The following VPS13B variants were observed in gnomAD, a reference collection of about 807,000 sequenced individuals.
The protein encoded by VPS13B is intermembrane lipid transfer protein VPS13B.
In VPS13B, 285 loss-of-function variants were observed where a neutral mutation model predicts 426.4. The ratio of observed to expected loss-of-function variants is 0.67; its 90% CI spans 0.61 to 0.74. VPS13B has a LOEUF of 0.74. Ranked by LOEUF, VPS13B falls within the 30% of genes least tolerant of loss-of-function variation. The pLI is 0.00. For synonymous variants in VPS13B, 1,676 were observed against 1,676.4 expected (o/e 1.00, Z 0.01); for missense variants, 4,537 against 4,782.6 (o/e 0.95, Z 1.51).
intron 12 of VPS13B, among the ~76,000 whole-genome samples, chr8:99,141,243 T>C (rs937799483): frequency 4.6e-5 from 7 of 152,104 alleles, no homozygotes; most frequent in Non-Finnish European, 1.0e-4. Context: ...TAAAAGCCAG[T>C]TGTGTTTTTA....
At chr8:99,719,426 A>T (rs903943570) in intron 37 of VPS13B, among the ~76,000 whole-genome samples, 6 of 152,188 alleles carry the variant, frequency 3.9e-5, no homozygotes, top group African/African-American at 1.4e-4. Context: ...ACTTAGTGTT[A>T]CATCTTTTAC....
At chr8:99,592,833 A>G (rs1460858000) in intron 33 of VPS13B, among the ~76,000 whole-genome samples, 6 of 152,104 alleles carry the variant, frequency 3.9e-5, no homozygotes, top group Non-Finnish European at 8.8e-5. Context: ...CTGTTTAATA[A>G]ATGGTGCTGG....
chr8:99,618,078 G>T (rs1828179915), intron 33 of VPS13B, among the ~76,000 whole-genome samples: 1 of 151,956 alleles, frequency 6.6e-6, no homozygotes, highest in Admixed American at 6.6e-5. Context: ...ACTGCAGTTT[G>T]CTCCGTCAGT....
Position 99,156,672 on chromosome 8 carries a change from C to T in VPS13B, c.2137C>T (p.His713Tyr), listed in dbSNP as rs796181999. The change falls in exon 15 of 62, where the codon CAT (histidine) becomes TAT (tyrosine). Residue 713 changes from histidine (H) to tyrosine (Y), a missense_variant. Physicochemically the swap from His to Tyr is moderately conservative, Grantham distance 83. This residue lies in a region of VPS13B where 4,311 missense variants were observed against 4,474.3 expected (regional missense o/e 0.96). Transcript: ENST00000357162. The stretch of plus-strand genomic sequence containing the variant: ...GCCAATGTATGCTGAACAGTTGGTG[C>T]ATGTGGTCAGCAGCCTTACTCAACC... ...SVPMYAEQLV[H>Y]VVSSLTQPSD... 12 of 1,614,064 alleles carry T rather than the reference C, an allele frequency of 7.4e-6. 1 individual carries two copies. In the African/African-American group the frequency reaches 1.5e-4, roughly 20 times the overall value.
intron 21 of VPS13B, among the ~76,000 whole-genome samples, chr8:99,424,861 C>T (rs754812956): frequency 3.9e-5 from 6 of 151,982 alleles, no homozygotes; most frequent in Non-Finnish European, 7.4e-5. Context: ...CAAATAGACG[C>T]AATAAAAAAT....
chr8:99,043,420 T>A (rs192872439), intron 3 of VPS13B, among the ~76,000 whole-genome samples: 1 of 152,164 alleles, frequency 6.6e-6, no homozygotes, highest in Non-Finnish European at 1.5e-5. Context: ...AAGAGAGGTA[T>A]CACCTCTCTC....
chr8:99,626,225 G>A (rs1828607278), intron 33 of VPS13B, among the ~76,000 whole-genome samples: 1 of 152,192 alleles, frequency 6.6e-6, no homozygotes, highest in Admixed American at 6.5e-5. Context: ...ATAAATAAAA[G>A]TGTAGTGCAC....
At chr8:99,725,872 C>G (rs986578820) in intron 39 of VPS13B, among the ~76,000 whole-genome samples, 2 of 152,182 alleles carry the variant, frequency 1.3e-5, no homozygotes, top group Admixed American at 6.5e-5. Flanking sequence ...CTTACCTGCT[C>G]CCTTAAACAG....
chr8:99,131,656 A>T (rs539371808), intron 8 of VPS13B, among the ~76,000 whole-genome samples: 2 of 152,258 alleles, frequency 1.3e-5, no homozygotes, highest in African/African-American at 4.8e-5. Flanking sequence ...AAAATACTTT[A>T]TTGTTAAAAA....
chr8:99,379,052 C>G (rs1245020378), intron 19 of VPS13B, among the ~76,000 whole-genome samples: 3 of 152,172 alleles, frequency 2.0e-5, no homozygotes, highest in Admixed American at 2.0e-4. Flanking sequence ...ACTGTCAGAT[C>G]ATTGGCAGCA....
chr8:99,834,123 T>C (rs1185830930), intron 52 of VPS13B, among the ~76,000 whole-genome samples: 1 of 152,246 alleles, frequency 6.6e-6, no homozygotes, highest in Non-Finnish European at 1.5e-5. Flanking sequence ...GCAAATGAGA[T>C]GGATGGCAAA....
At chr8:99,651,988 A>T (rs1829832264) in intron 34 of VPS13B, among the ~76,000 whole-genome samples, 2 of 152,306 alleles carry the variant, frequency 1.3e-5, no homozygotes, top group African/African-American at 4.8e-5. Context: ...TATCTTTTCA[A>T]ACATCAACTA....
In VPS13B at chr8:99,038,478, A is replaced by G. The variant is rs368511311; in HGVS notation, c.203A>G (p.His68Arg). 9.3e-6 allele frequency: 15 copies of G among 1,611,950 alleles called. No individual in the cohort carries two copies. In the African/African-American group the frequency reaches 1.5e-4, roughly 16 times the overall value. ...GGACATATTCATGAATTGAGGATTC[A>G]TGTACCATGGACAAAACTGGGTTCA... is the stretch of plus-strand genomic sequence containing the variant. Reference protein sequence around the residue: ...LSGHIHELRIHVPWTKLGSEP... With the variant: ...LSGHIHELRIRVPWTKLGSEP... The change falls in exon 3 of 62, where the codon CAT becomes CGT. Residue 68 changes from histidine to arginine, a missense_variant. Coordinates refer to ENST00000357162, the MANE Select transcript of VPS13B (RefSeq NM_152564.5).
intron 35 of VPS13B, chr8:99,697,721 C>A: frequency 1.6e-6 from 1 of 625,572 alleles, no homozygotes. Context: ...GGCCTGCAAG[C>A]TGGGCCTGGC....
At chr8:99,660,225 A>T (rs1016545924) in intron 34 of VPS13B, among the ~76,000 whole-genome samples, 1 of 152,184 alleles carries the variant, frequency 6.6e-6, no homozygotes, top group East Asian at 1.9e-4. Flanking sequence ...ATATGTGCCA[A>T]ATTTCATAAG....
chr8:99,380,420 G>A (rs376427946), intron 19 of VPS13B, among the ~76,000 whole-genome samples: 3 of 152,188 alleles, frequency 2.0e-5, no homozygotes, highest in African/African-American at 4.8e-5. Flanking sequence ...CAATCATCTT[G>A]TGTTTGCTTA....
intron 17 of VPS13B, among the ~76,000 whole-genome samples, chr8:99,249,572 C>A (rs776621865): frequency 6.6e-6 from 1 of 151,894 alleles, no homozygotes; most frequent in Non-Finnish European, 1.5e-5. Flanking sequence ...TACAGACACC[C>A]GCCACCACGC....
At chr8:99,140,692 C>G (rs1810369501) in intron 12 of VPS13B, among the ~76,000 whole-genome samples, 1 of 149,402 alleles carries the variant, frequency 6.7e-6, no homozygotes, top group Non-Finnish European at 1.5e-5. Flanking sequence ...CCTCACCCTC[C>G]TCCTCCTCCT....
chr8:99,132,249 C>G (rs1429782061), intron 8 of VPS13B, among the ~76,000 whole-genome samples: 2 of 152,134 alleles, frequency 1.3e-5, no homozygotes, highest in African/African-American at 4.8e-5. Flanking sequence ...AACACTACTG[C>G]TGCTTTATCG....
Sources: gnomAD v4.1 joint callset for allele counts (sites outside exome capture counted in the v4.1 genomes callset) on GRCh38, gnomAD v4.1.1 for gene constraint, gnomAD v4.1.1 regional missense constraint, MANE v1.5 for transcripts, NCBI Gene and HGNC (gene_info 2026-07-23, HGNC 2026-07-21) for gene names.